PLCB4: variants seen among roughly 807,000 people sequenced by gnomAD.
The protein encoded by PLCB4 is phospholipase C beta 4.
Under a neutral mutation model 178.8 loss-of-function variants are expected in PLCB4, and 77 were observed. The observed-to-expected ratio is 0.43, with a 90% CI of 0.36 to 0.52. The LOEUF (loss-of-function observed/expected upper bound fraction) is 0.52. PLCB4 is among the 20% of genes least tolerant of loss of function. The probability of loss-of-function intolerance (pLI) is 0.00; values close to 1 mark genes in which losing one functional copy is unlikely to be tolerated. For synonymous variants in PLCB4, 496 were observed against 490.8 expected, an observed-to-expected ratio of 1.01 and a Z score of -0.14; for missense variants, 1,024 against 1,453.4, an observed-to-expected ratio of 0.70 and a Z score of 4.80.
chr20:9,294,429 G>T (rs779289585), intron 3 of PLCB4, among the ~76,000 whole-genome samples: 2 of 151,928 alleles, frequency 1.3e-5, no homozygotes, highest in Non-Finnish European at 2.9e-5. Context: ...TTTACTTCAG[G>T]CTCTCAGTAT....
chr20:9,100,931 G>T (rs1001322193), intron 2 of PLCB4, among the ~76,000 whole-genome samples: 22 of 151,990 alleles, frequency 1.4e-4, no homozygotes, highest in African/African-American at 5.3e-4. Flanking sequence ...ACGGTGTGTC[G>T]CCCGTGGAGG....
At chr20:9,419,540 TAAAGA>T (rs958341712) in intron 25 of PLCB4, among the ~76,000 whole-genome samples, 13 of 152,304 alleles carry the variant, frequency 8.5e-5, no homozygotes, top group African/African-American at 2.6e-4. Context: ...TTTATACATA[TAAAGA>T]AAAGTATTTA....
At chr20:9,345,185 A>G (rs2033666973) in intron 7 of PLCB4, among the ~76,000 whole-genome samples, 1 of 152,160 alleles carries the variant, frequency 6.6e-6, no homozygotes, top group Non-Finnish European at 1.5e-5. Context: ...GTGAAACTCC[A>G]TCTCAAAAAA....
intron 3 of PLCB4, among the ~76,000 whole-genome samples, chr20:9,267,459 T>G (rs1418590039): frequency 6.6e-6 from 1 of 152,158 alleles, no homozygotes; most frequent in Admixed American, 6.5e-5. Context: ...TTTTTCTGTT[T>G]AGAAGTAGAA....
intron 2 of PLCB4, among the ~76,000 whole-genome samples, chr20:9,120,000 C>T (rs373275752): frequency 3.9e-5 from 6 of 152,294 alleles, no homozygotes; most frequent in African/African-American, 1.4e-4. Context: ...CGGTCGGACA[C>T]ATGACCTGGC....
intron 28 of PLCB4, among the ~76,000 whole-genome samples, chr20:9,432,166 A>G (rs1173154525): frequency 6.6e-6 from 1 of 152,238 alleles, no homozygotes; most frequent in East Asian, 1.9e-4. Flanking sequence ...TATAACTTCT[A>G]ATAAACCATG....
chr20:9,148,868 A>G (rs1368103221), intron 2 of PLCB4, among the ~76,000 whole-genome samples: 1 of 152,212 alleles, frequency 6.6e-6, no homozygotes. Flanking sequence ...ATCCTTTTAG[A>G]CATCAGTTAT....
chr20:9,232,111 A>G (rs555323704), intron 3 of PLCB4, among the ~76,000 whole-genome samples: 3 of 152,348 alleles, frequency 2.0e-5, no homozygotes, highest in African/African-American at 7.2e-5. Flanking sequence ...GATCTAATCC[A>G]TAGTGATAGA....
At chr20:9,192,322 A>C (rs1317743783) in intron 2 of PLCB4, among the ~76,000 whole-genome samples, 1 of 152,106 alleles carries the variant, frequency 6.6e-6, no homozygotes, top group East Asian at 1.9e-4. Flanking sequence ...ATAAAAGATC[A>C]CACTGTCATT....
intron 3 of PLCB4, among the ~76,000 whole-genome samples, chr20:9,235,779 A>C (rs978883054): frequency 1.3e-5 from 2 of 152,232 alleles, no homozygotes; most frequent in African/African-American, 4.8e-5. Context: ...TTGAAGAGGG[A>C]TGAATGTAAT....
chr20:9,421,625 T>C (rs2040643364), intron 27 of PLCB4, among the ~76,000 whole-genome samples, 164 bp downstream of exon 27: 1 of 2,894 alleles, frequency 3.5e-4, no homozygotes, highest in Non-Finnish European at 5.8e-4. Context: ...ATTGGTTCTA[T>C]TTGGCCCTGC....
intron 2 of PLCB4, among the ~76,000 whole-genome samples, chr20:9,206,299 CTTTTTTTTTT>C (rs71184138): frequency 2.1e-5 from 2 of 96,100 alleles, no homozygotes; most frequent in East Asian, 3.0e-4. Context: ...TTTCTTTTTT[CTTTTTTTTTT>C]TTTTTTTTTT....
At chr20:9,353,487 A>C (rs2034522622) in intron 7 of PLCB4, among the ~76,000 whole-genome samples, 1 of 152,214 alleles carries the variant, frequency 6.6e-6, no homozygotes, top group Non-Finnish European at 1.5e-5. Context: ...TTTAATTTTT[A>C]CTTCTTAACA....
chr20:9,083,763 C>G (rs6086761), intron 1 of PLCB4, among the ~76,000 whole-genome samples: 73,634 of 151,502 alleles, frequency 0.49, 18,334 homozygotes, highest in Middle Eastern at 0.56. Flanking sequence ...TGTGACCATA[C>G]AGGCACAGAG....
At chr20:9,210,593 C>T (rs1308234245) in intron 2 of PLCB4, among the ~76,000 whole-genome samples, 1 of 152,152 alleles carries the variant, frequency 6.6e-6, no homozygotes, top group Non-Finnish European at 1.5e-5. Flanking sequence ...GAGTTGTCTG[C>T]AGCATTCTGT....
chr20:9,342,849 G>A (rs36070914), intron 7 of PLCB4, among the ~76,000 whole-genome samples: 10,700 of 151,904 alleles, frequency 0.07, 418 homozygotes, highest in Middle Eastern at 0.096. Context: ...AAATATTTTT[G>A]GCAACTTGCC....
chr20:9,166,392 T>A (rs775784000), intron 2 of PLCB4: 4 of 152,218 alleles, frequency 2.6e-5, no homozygotes, highest in Non-Finnish European at 5.9e-5. Context: ...GTTGTTCGAC[T>A]TAGGGTAGTT....
In PLCB4 at chr20:9,241,477, A is replaced by G. The variant is rs188426932; in HGVS notation, c.-16+24025A>G. Among the ~76,000 whole-genome samples the G allele has an allele frequency of 3.9e-5, 6 of 152,302 alleles. No homozygotes were observed. The East Asian group carries it at 1.2e-3, about 29-fold the overall frequency. On this transcript the variant is annotated intron_variant, in intron 3 of 39. Transcript: ENST00000378473. ...TGAACCAAAAGCAGAATGGGAAACA[A>G]AATTGGCAAAGCATAAAAGAAAAGG...
chr20:9,447,051 CTG>C (rs1354457321), intron 32 of PLCB4, among the ~76,000 whole-genome samples: 3 of 152,200 alleles, frequency 2.0e-5, no homozygotes, highest in Non-Finnish European at 4.4e-5. Context: ...ACTGATTTTT[CTG>C]TCAGTCAACA....
Sources: gnomAD v4.1 joint callset for allele counts (sites outside exome capture counted in the v4.1 genomes callset) on GRCh38, gnomAD v4.1.1 for gene constraint, MANE v1.5 for transcripts, NCBI Gene and HGNC (gene_info 2026-07-23, HGNC 2026-07-21) for gene names.